The following NEK11 variants were observed in gnomAD, a reference collection of about 807,000 sequenced individuals.
The protein encoded by NEK11 is serine/threonine-protein kinase Nek11.
In NEK11, 72 loss-of-function variants were observed where a neutral mutation model predicts 80.7. That is an observed-to-expected ratio of 0.89 (90% CI 0.74 to 1.08). The LOEUF (loss-of-function observed/expected upper bound fraction) is 1.08, where lower values mean the gene tolerates loss of function less well. Ranked by LOEUF, NEK11 falls within the 50% of genes least tolerant of loss-of-function variation. The pLI is 0.00. For synonymous variants in NEK11, 251 were observed against 260.7 expected, an observed-to-expected ratio of 0.96 and a Z score of 0.36; for missense variants, 764 against 763.6, an observed-to-expected ratio of 1.00 and a Z score of -0.01.
intron 17 of NEK11, among the ~76,000 whole-genome samples, chr3:131,290,282 G>A (rs1322553630): frequency 1.3e-5 from 2 of 152,294 alleles, no homozygotes; most frequent in East Asian, 3.9e-4. Context: ...ATCAAAATGT[G>A]TGCACCTTCA....
intron 15 of NEK11, among the ~76,000 whole-genome samples, chr3:131,233,242 C>T (rs1411682119): frequency 3.9e-5 from 6 of 152,214 alleles, no homozygotes; most frequent in South Asian, 2.1e-4. Context: ...TCCAGCACTG[C>T]GAAAGAATGG....
intron 3 of NEK11, among the ~76,000 whole-genome samples, chr3:131,038,585 GCCT>G (rs2065988210): frequency 6.6e-6 from 1 of 152,136 alleles, no homozygotes; most frequent in Non-Finnish European, 1.5e-5. Flanking sequence ...GGCCAAAAAA[GCCT>G]CCTTTTAAGA....
At chr3:131,197,940 C>T (rs919886224) in intron 14 of NEK11, among the ~76,000 whole-genome samples, 9 of 152,036 alleles carry the variant, frequency 5.9e-5, no homozygotes, top group African/African-American at 2.2e-4. Context: ...GTAAGACTGC[C>T]ACCTCTTCAG....
At position 131,083,603 on chromosome 3, in the gene NEK11, C is replaced by A. The variant is rs1269363723; in HGVS notation, c.336+3015C>A. Among the ~76,000 whole-genome samples, 4 of 152,170 alleles carry A rather than the reference C, an allele frequency of 2.6e-5. No homozygotes were observed. The East Asian group carries it at 7.7e-4, about 29-fold the overall frequency. On this transcript the variant is annotated intron_variant, in intron 4 of 17. Coordinates refer to ENST00000383366, the MANE Select transcript of NEK11 (RefSeq NM_024800.5). ...GAAATGGCAGGTGACCAAAATTGCA[C>A]CTCATAGAAAAATGCTATCACTACC...
At chr3:131,065,801 A>C (rs1325812054) in intron 3 of NEK11, among the ~76,000 whole-genome samples, 8 of 152,184 alleles carry the variant, frequency 5.3e-5, no homozygotes, top group Non-Finnish European at 7.3e-5. Context: ...TGAAAAGGTG[A>C]ATTTCCCTTA....
intron 7 of NEK11, among the ~76,000 whole-genome samples, chr3:131,138,208 G>A (rs2086024884): frequency 6.6e-6 from 1 of 152,142 alleles, no homozygotes. Flanking sequence ...CAGGCCTGGT[G>A]GTATTCACCA....
intron 17 of NEK11, among the ~76,000 whole-genome samples, chr3:131,298,925 TG>T (rs1291573800): frequency 6.8e-6 from 1 of 146,780 alleles, no homozygotes; most frequent in African/African-American, 2.7e-5. Flanking sequence ...TATTCTCTTC[TG>T]TTTTTTTTTT....
intron 3 of NEK11, 150 bp downstream of exon 3, chr3:131,030,028 C>G (rs542212015): frequency 1.5e-6 from 1 of 681,968 alleles, no homozygotes; most frequent in African/African-American, 1.8e-5. Flanking sequence ...TCACTTGAGG[C>G]GAGGAGTTCA....
chr3:131,316,111 C>CTATAAT (rs2096837060), intron 17 of NEK11, among the ~76,000 whole-genome samples: 2 of 152,064 alleles, frequency 1.3e-5, no homozygotes, highest in Admixed American at 6.6e-5. Context: ...TTACTATAAA[C>CTATAAT]ATATGATTCA....
chr3:131,189,035 A>T (rs919416789), intron 14 of NEK11, among the ~76,000 whole-genome samples: 2 of 152,150 alleles, frequency 1.3e-5, no homozygotes, highest in Non-Finnish European at 2.9e-5. Context: ...AGATATATTA[A>T]TACAAAGAAG....
chr3:131,332,837 C>T (rs151201488), intron 17 of NEK11, among the ~76,000 whole-genome samples: 1,624 of 152,082 alleles, frequency 0.011, 31 homozygotes, highest in African/African-American at 0.035. Context: ...CCTCAGGAGC[C>T]GATGCAATCG....
chr3:131,139,268 A>G (rs2086306120), intron 7 of NEK11, among the ~76,000 whole-genome samples: 1 of 151,750 alleles, frequency 6.6e-6, no homozygotes, highest in Non-Finnish European at 1.5e-5. Context: ...TCTTAATAGC[A>G]GAATTGATCA....
chr3:131,174,979 A>G (rs998716032), intron 14 of NEK11: 32 of 1,376,060 alleles, frequency 2.3e-5, no homozygotes, highest in Middle Eastern at 2.3e-4. Flanking sequence ...ACTGAGCCCA[A>G]TGCTCAGAGA....
intron 7 of NEK11, among the ~76,000 whole-genome samples, chr3:131,139,372 A>G (rs1002556100): frequency 6.6e-6 from 1 of 151,664 alleles, no homozygotes; most frequent in African/African-American, 2.4e-5. Flanking sequence ...AAAAAAAAGA[A>G]TGGAGCACAC....
At chr3:131,346,562 G>C (rs1250993773) in intron 17 of NEK11, among the ~76,000 whole-genome samples, 2 of 152,116 alleles carry the variant, frequency 1.3e-5, no homozygotes, top group Non-Finnish European at 2.9e-5. Context: ...TTAACCATTA[G>C]GTCTTTGCCA....
Position 131,029,736 on chromosome 3 carries a change from T to A in NEK11, c.28T>A (p.Cys10Ser). 6.2e-7 allele frequency: 1 copy of A among 1,614,192 alleles called. No individual in the cohort carries two copies. Among genetic ancestry groups the A allele is most frequent in the Non-Finnish European group, 8.5e-7 (1 of 1,180,016 alleles). MLKFQEAAK[C>S]VSGSTAISTY... ...GCTGAAATTCCAAGAGGCAGCTAAG[T>A]GTGTGAGTGGATCAACAGCCATTTC... is the stretch of plus-strand genomic sequence containing the variant. Residue 10 changes from cysteine to serine, a missense_variant, in exon 3 of 18, where the codon TGT becomes AGT. Cys to Ser is a moderately radical substitution (Grantham distance 112, BLOSUM62 -1). Coordinates refer to ENST00000383366, the MANE Select transcript of NEK11 (RefSeq NM_024800.5).
chr3:131,083,068 C>T (rs984643442), intron 4 of NEK11, among the ~76,000 whole-genome samples: 2 of 152,202 alleles, frequency 1.3e-5, no homozygotes, highest in South Asian at 4.1e-4. Flanking sequence ...AATACAAATT[C>T]TTTGCCTCTA....
At chr3:131,038,456 A>G (rs2065970407) in intron 3 of NEK11, among the ~76,000 whole-genome samples, 1 of 152,258 alleles carries the variant, frequency 6.6e-6, no homozygotes. Flanking sequence ...GTGTTAGCAT[A>G]AAAGAATCCG....
At chr3:131,192,466 T>G (rs1369180125) in intron 14 of NEK11, among the ~76,000 whole-genome samples, 2 of 152,166 alleles carry the variant, frequency 1.3e-5, no homozygotes, top group Non-Finnish European at 2.9e-5. Context: ...AAGCAGGGTC[T>G]CAAAGAGATA....
Sources: allele counts gnomAD v4.1 joint callset (sites outside exome capture counted in the v4.1 genomes callset), GRCh38; gene constraint gnomAD v4.1.1; transcripts MANE v1.5; gene names NCBI Gene and HGNC (gene_info 2026-07-23, HGNC 2026-07-21).